The following CPVL variants were observed in gnomAD, a reference collection of about 807,000 sequenced individuals.
The protein encoded by CPVL is probable serine carboxypeptidase CPVL.
A neutral mutation model predicts 63.7 loss-of-function variants in CPVL; 51 were observed. That is an observed-to-expected ratio of 0.80 (90% CI 0.64 to 1.01). The LOEUF is 1.01. CPVL is among the 50% of genes least tolerant of loss of function. The pLI is 0.00. For missense variants in CPVL, 530 were observed against 573.1 expected (o/e 0.92, Z 0.77); for synonymous variants, 195 against 206.0 (o/e 0.95, Z 0.46).
At chr7:29,061,764 C>G (rs748289051) in intron 11 of CPVL, among the ~76,000 whole-genome samples, 2 of 151,932 alleles carry the variant, frequency 1.3e-5, no homozygotes, top group South Asian at 4.2e-4. Context: ...CTGACCAACA[C>G]GGAGAAAACT....
chr7:29,025,430 C>T (rs923495004), intron 12 of CPVL, among the ~76,000 whole-genome samples: 1 of 152,184 alleles, frequency 6.6e-6, no homozygotes, highest in Admixed American at 6.5e-5. Context: ...CTCACATGAA[C>T]TGAGTGAAAA....
chr7:29,061,695 C>T (rs1562747564), intron 11 of CPVL, among the ~76,000 whole-genome samples: 1 of 152,042 alleles, frequency 6.6e-6, no homozygotes, highest in East Asian at 1.9e-4. Context: ...GCCTGCAATC[C>T]TAGCACTTTG....
chr7:29,180,122 A>G (rs186977426), intron 5 of CPVL, among the ~76,000 whole-genome samples: 72 of 152,338 alleles, frequency 4.7e-4, no homozygotes, highest in African/African-American at 6.5e-4. Context: ...TCCGAAGTCA[A>G]TCTGTTCCCC....
intron 11 of CPVL, among the ~76,000 whole-genome samples, chr7:29,056,435 T>C (rs1007790482): frequency 1.3e-5 from 2 of 152,216 alleles, no homozygotes; most frequent in Non-Finnish European, 2.9e-5. Flanking sequence ...GTTGGGATCA[T>C]ACAGTACGTA....
Position 29,092,692 on chromosome 7 carries a change from C to A in CPVL, c.473G>T (p.Gly158Val), listed in dbSNP as rs1462117075. 1 of 1,611,904 alleles carries A rather than the reference C, an allele frequency of 6.2e-7. No homozygotes were observed. The highest frequency in any genetic ancestry group is 1.1e-5 in the South Asian group (1 of 91,022). The change falls in exon 6 of 13, where the codon GGC (glycine) becomes GTC (valine). Residue 158 changes from glycine (G) to valine (V), a missense_variant. Gly to Val is a moderately radical substitution (Grantham distance 109). Transcript: ENST00000265394. Reference protein sequence around the residue: ...MLYIDNPVGTGFSFTDDTHGY... With the variant: ...MLYIDNPVGTVFSFTDDTHGY... ...GTGGGTATCATCAGTAAAACTGAAG[C>A]CTGTGCCCACCTGCAGGAGAAATAA...
chr7:29,012,728 T>C (rs1007775845), intron 12 of CPVL: 2 of 152,210 alleles, frequency 1.3e-5, no homozygotes, highest in African/African-American at 4.8e-5. Flanking sequence ...AGAATGAAAG[T>C]TTCTCCAAAC....
intron 1 of CPVL, chr7:29,193,136 G>A (rs963532057): frequency 8.5e-5 from 13 of 152,162 alleles, no homozygotes; most frequent in Admixed American, 1.3e-4. Flanking sequence ...TACAGTTGAG[G>A]GGTAGGAAGA....
chr7:29,013,630 A>C (rs1218284038), intron 12 of CPVL, among the ~76,000 whole-genome samples: 1 of 152,038 alleles, frequency 6.6e-6, no homozygotes. Flanking sequence ...GCTGCTCCCA[A>C]CTCCCTGCCC....
intron 12 of CPVL, among the ~76,000 whole-genome samples, chr7:29,007,693 C>A (rs117568177): frequency 2.0e-5 from 3 of 152,106 alleles, no homozygotes. Context: ...TCCTCCAAGA[C>A]ACTTTGGTGT....
intron 12 of CPVL, chr7:29,011,078 A>G (rs562687280): frequency 6.6e-6 from 1 of 152,340 alleles, no homozygotes; most frequent in African/African-American, 2.4e-5. Flanking sequence ...TAGAAACAAA[A>G]TTCAAGCCTA....
At chr7:29,063,262 C>T (rs1782809546) in intron 11 of CPVL, among the ~76,000 whole-genome samples, 1 of 152,190 alleles carries the variant, frequency 6.6e-6, no homozygotes, top group African/African-American at 2.4e-5. Context: ...AACAGGGACC[C>T]TTTCTCATTC....
intron 11 of CPVL, among the ~76,000 whole-genome samples, chr7:29,038,484 C>T (rs76334766): frequency 2.4e-4 from 36 of 152,268 alleles, no homozygotes; most frequent in African/African-American, 8.4e-4. Flanking sequence ...AGCCCTTAGT[C>T]TATGTTACTA....
intron 4 of CPVL, among the ~76,000 whole-genome samples, chr7:29,183,176 C>A (rs1019522944): frequency 6.6e-6 from 1 of 151,446 alleles, no homozygotes; most frequent in Non-Finnish European, 1.5e-5. Flanking sequence ...CCTCCGCCTC[C>A]CAGGTTCAAG....
chr7:29,183,115 G>A (rs948385359), intron 4 of CPVL, among the ~76,000 whole-genome samples: 2 of 135,140 alleles, frequency 1.5e-5, no homozygotes, highest in African/African-American at 5.6e-5. Flanking sequence ...ACGGAGTTTC[G>A]CTTTTGTTGC....
intron 6 of CPVL, among the ~76,000 whole-genome samples, chr7:29,090,065 G>A (rs918414762): frequency 6.6e-6 from 1 of 152,102 alleles, no homozygotes; most frequent in African/African-American, 2.4e-5. Flanking sequence ...GTTTCTCCAT[G>A]TTGGTCAGGC....
chr7:29,069,770 A>G (rs865782771), intron 9 of CPVL, among the ~76,000 whole-genome samples: 16 of 132,246 alleles, frequency 1.2e-4, no homozygotes, highest in South Asian at 1.1e-3. Flanking sequence ...TCACCAGTAA[A>G]TGTGTGTGTG....
At chr7:29,050,899 T>C (rs1227542022) in intron 11 of CPVL, among the ~76,000 whole-genome samples, 2 of 150,862 alleles carry the variant, frequency 1.3e-5, no homozygotes, top group Non-Finnish European at 2.9e-5. Flanking sequence ...GGTATAAAAA[T>C]AGGCACATAG....
chr7:29,050,406 CA>C (rs35470901), intron 11 of CPVL, among the ~76,000 whole-genome samples: 119,000 of 148,254 alleles, frequency 0.8, 48,038 homozygotes, highest in African/African-American at 0.91. Context: ...ACGATAGCTG[CA>C]AAAAAAAAAA....
chr7:29,001,755 A>T (rs1426002475), intron 12 of CPVL, among the ~76,000 whole-genome samples: 4 of 152,216 alleles, frequency 2.6e-5, no homozygotes, highest in African/African-American at 9.6e-5. Flanking sequence ...ACATGTAGCC[A>T]TCATAATGGT....
Sources: gnomAD v4.1 joint callset for allele counts (sites outside exome capture counted in the v4.1 genomes callset) on GRCh38, gnomAD v4.1.1 for gene constraint, MANE v1.5 for transcripts, NCBI Gene and HGNC (gene_info 2026-07-23, HGNC 2026-07-21) for gene names.